The following WDR59 variants were observed in gnomAD, a reference collection of about 807,000 sequenced individuals.
The protein encoded by WDR59 is WD repeat domain 59.
A neutral mutation model predicts 131.2 loss-of-function variants in WDR59; 100 were observed. The observed-to-expected ratio is 0.76, with a 90% CI of 0.65 to 0.90. WDR59 has a LOEUF of 0.90. WDR59 is among the 40% of genes least tolerant of loss of function. The pLI, the probability that WDR59 is intolerant of heterozygous loss-of-function variation, is 0.00. For missense variants in WDR59, 1,203 were observed against 1,262.2 expected (o/e 0.95, Z 0.71); for synonymous variants, 601 against 466.2 (o/e 1.29, Z -3.72).
At chr16:74,927,086 GT>G (rs1250439130) in intron 8 of WDR59, among the ~76,000 whole-genome samples, 1 of 152,188 alleles carries the variant, frequency 6.6e-6, no homozygotes, top group East Asian at 1.9e-4. Context: ...GCTGGATGAG[GT>G]TCTTCCATTG....
chr16:74,899,338 C>T (rs1965438583), intron 18 of WDR59, among the ~76,000 whole-genome samples: 1 of 152,186 alleles, frequency 6.6e-6, no homozygotes. Flanking sequence ...CTCTGCTCCC[C>T]CCATGCCAAA....
intron 1 of WDR59, among the ~76,000 whole-genome samples, chr16:74,979,838 C>CTTTTTTTTTTTTTTTTT (rs56943510): frequency 3.3e-5 from 2 of 60,472 alleles, no homozygotes; most frequent in African/African-American, 5.8e-5. Context: ...CACACCCGGC[C>CTTTTTTTTTTTTTTTTT]TTTTTTTTTT....
At chr16:74,919,499 AT>A (rs11407330) in intron 10 of WDR59, among the ~76,000 whole-genome samples, 109 of 145,160 alleles carry the variant, frequency 7.5e-4, no homozygotes, top group South Asian at 2.9e-3. Flanking sequence ...CACCTGGCTA[AT>A]TTTTTTTTTT....
At chr16:74,972,444 G>A (rs942339620) in intron 1 of WDR59, among the ~76,000 whole-genome samples, 2 of 152,072 alleles carry the variant, frequency 1.3e-5, no homozygotes, top group Non-Finnish European at 2.9e-5. Flanking sequence ...TTTATCAAAG[G>A]GAGGAAAAAC....
At chr16:74,953,048 G>A (rs1405800528) in intron 3 of WDR59, among the ~76,000 whole-genome samples, 1 of 152,096 alleles carries the variant, frequency 6.6e-6, no homozygotes, top group African/African-American at 2.4e-5. Context: ...ACACGACACA[G>A]CGGGTATCAT....
At chr16:74,899,445 G>A (rs554574361) in intron 18 of WDR59, among the ~76,000 whole-genome samples, 2 of 152,324 alleles carry the variant, frequency 1.3e-5, no homozygotes, top group African/African-American at 4.8e-5. Context: ...AAGAAACCCA[G>A]CATTAACTTT....
intron 18 of WDR59, chr16:74,899,689 GCA>G (rs1567699508): frequency 7.8e-7 from 1 of 1,288,962 alleles, no homozygotes; most frequent in Non-Finnish European, 1.0e-6. Context: ...TTTGCACAGC[GCA>G]CAGTACCGGG....
At chr16:74,961,841 G>A (rs1370185819) in intron 2 of WDR59, among the ~76,000 whole-genome samples, 1 of 152,128 alleles carries the variant, frequency 6.6e-6, no homozygotes, top group Non-Finnish European at 1.5e-5. Context: ...TGCTTTTGGT[G>A]TTTTTGTCAT....
At chr16:74,874,528 G>A in intron 25 of WDR59, 84 bp from the exon 26 acceptor site, 2 of 1,177,004 alleles carry the variant, frequency 1.7e-6, no homozygotes, top group Non-Finnish European at 2.5e-6. Flanking sequence ...CAGGAAGAAG[G>A]AAGTCTTCCT....
chr16:74,952,385 T>G (rs960521627), intron 3 of WDR59, among the ~76,000 whole-genome samples: 1 of 135,060 alleles, frequency 7.4e-6, no homozygotes. Flanking sequence ...GAGGCAATAG[T>G]AAGCTGTGAT....
intron 7 of WDR59, among the ~76,000 whole-genome samples, chr16:74,939,310 T>C (rs973351744): frequency 7.4e-4 from 113 of 152,294 alleles, no homozygotes; most frequent in African/African-American, 2.6e-3. Context: ...GAAGTTCATC[T>C]TGGTGTTATC....
chr16:74,961,386 T>C (rs540925961), intron 2 of WDR59, among the ~76,000 whole-genome samples: 2 of 152,312 alleles, frequency 1.3e-5, no homozygotes, highest in African/African-American at 4.8e-5. Context: ...TTTTCCACAA[T>C]GGTTGAACTA....
At chr16:74,876,782 T>C (rs1339726269) in intron 25 of WDR59, among the ~76,000 whole-genome samples, 2 of 152,212 alleles carry the variant, frequency 1.3e-5, no homozygotes, top group South Asian at 2.1e-4. Context: ...TATGAACCGA[T>C]TGAGAAGGAT....
At chr16:74,912,636 G>GAC (rs1215261170) in intron 13 of WDR59, among the ~76,000 whole-genome samples, 1 of 152,200 alleles carries the variant, frequency 6.6e-6, no homozygotes, top group East Asian at 1.9e-4. Flanking sequence ...AAGAATTAAA[G>GAC]ACACACACAC....
At chr16:74,894,011 C>T (rs1177674553) in intron 18 of WDR59, 199 bp from the exon 19 acceptor site, 5 of 558,228 alleles carry the variant, frequency 9.0e-6, no homozygotes, top group Non-Finnish European at 1.5e-5. Flanking sequence ...AAATAAGCAC[C>T]TACTGCCAGG....
At chr16:74,910,646 A>T (rs1050787748) in intron 14 of WDR59, among the ~76,000 whole-genome samples, 1 of 152,194 alleles carries the variant, frequency 6.6e-6, no homozygotes, top group Non-Finnish European at 1.5e-5. Flanking sequence ...ATTATAATGT[A>T]TATTTTTTGT....
In WDR59 at chr16:74,886,369, G is replaced by A. The variant is rs772470426; in HGVS notation, c.2447C>T (p.Ser816Phe). ...IAGREAEHLS[S>F]PWGESSPEEL... ...TTCTGGTGAGGATTCTCCCCAAGGGGAGGACAAGTGCTCTGCCTCTCTTCC... is the reference window on the plus strand; with the variant it reads ...TTCTGGTGAGGATTCTCCCCAAGGGAAGGACAAGTGCTCTGCCTCTCTTCC... The change falls in exon 24 of 26, where the codon TCC (serine) becomes TTC (phenylalanine). Residue 816 changes from serine to phenylalanine, a missense_variant. Ser to Phe is a radical substitution (Grantham distance 155). Transcript: ENST00000262144. The A allele has an allele frequency of 6.8e-6, 11 of 1,613,772 alleles. No homozygotes were observed. The South Asian group carries it at 1.2e-4, about 18-fold the overall frequency.
At chr16:74,917,112 AG>A (rs960950929) in intron 11 of WDR59, among the ~76,000 whole-genome samples, 3 of 152,222 alleles carry the variant, frequency 2.0e-5, no homozygotes, top group Admixed American at 6.5e-5. Context: ...CCATCAAATG[AG>A]GAGAGGACAG....
rs1005850659 is a variant in WDR59 at position 74,872,189 on chromosome 16, G to A, written c.*2020C>T. The A allele has an allele frequency of 1.3e-5, 2 of 151,766 alleles. No individual in the cohort carries two copies. Among genetic ancestry groups the A allele is most frequent in the Non-Finnish European group, 2.9e-5 (2 of 67,986 alleles). 9.4% of individuals were successfully genotyped at this position (151,766 alleles called of 1,614,324 possible). A position where few individuals can be genotyped will look rare whatever the true frequency, so the allele number is the denominator to read the frequency against. ...TCATTTTTTTAAATGCTGGTTTTCC[G>A]CACTAGATCAATGTCACAATCCACT... On this transcript the variant is annotated 3_prime_UTR_variant, in exon 26 of 26. Transcript: ENST00000262144.
Sources: gnomAD v4.1 joint callset for allele counts (sites outside exome capture counted in the v4.1 genomes callset) on GRCh38, gnomAD v4.1.1 for gene constraint, MANE v1.5 for transcripts, NCBI Gene and HGNC (gene_info 2026-07-23, HGNC 2026-07-21) for gene names.